Variants in ADAMTS4 observed in about 807,000 individuals in gnomAD.
ADAMTS4 encodes ADAM metallopeptidase with thrombospondin type 1 motif 4.
In ADAMTS4, 38 loss-of-function variants were observed where a neutral mutation model predicts 66.7. That is an observed-to-expected ratio of 0.57 (90% CI 0.44 to 0.75). ADAMTS4 has a LOEUF of 0.75. Ranked by LOEUF, ADAMTS4 falls within the 30% of genes least tolerant of loss-of-function variation. The pLI is 0.00. For missense variants in ADAMTS4, 1,014 were observed against 1,116.7 expected (o/e 0.91, Z 1.31); for synonymous variants, 418 against 461.5 (o/e 0.91, Z 1.21).
At chr1:161,197,696 G>A (rs1308833814) in intron 1 of ADAMTS4, among the ~76,000 whole-genome samples, 1 of 152,032 alleles carries the variant, frequency 6.6e-6, no homozygotes, top group Non-Finnish European at 1.5e-5. Flanking sequence ...GCTGGGGACT[G>A]TGTCAGTAGG....
At chr1:161,196,994 C>T in intron 1 of ADAMTS4, 114 bp from the exon 2 acceptor site, 1 of 979,434 alleles carries the variant, frequency 1.0e-6, no homozygotes, top group Non-Finnish European at 1.5e-6. Context: ...CAGCTGGGCC[C>T]CACACACCCC....
Position 161,191,550 on chromosome 1 carries a change from T to A in ADAMTS4, c.2102A>T (p.Asn701Ile). 6.2e-7 allele frequency: 1 copy of A among 1,611,478 alleles called. No individual in the cohort carries two copies. Among genetic ancestry groups the A allele is most frequent in the Non-Finnish European group, 8.5e-7 (1 of 1,178,508 alleles). ...GGCCCCCGCGGGGATAGTGACCACA[T>A]TGTTGTATCCGTACCTGTGTGGAAG... Reference protein sequence around the residue: ...SFRKFRYGYNNVVTIPAGATH... With the variant: ...SFRKFRYGYNIVVTIPAGATH... The change falls in exon 9 of 9, where the codon AAT (asparagine) becomes ATT (isoleucine). Residue 701 changes from asparagine (N) to isoleucine (I), a missense_variant. Transcript: ENST00000367996.
chr1:161,197,053 G>A, intron 1 of ADAMTS4, 173 bp from the exon 2 acceptor site: 3 of 611,740 alleles, frequency 4.9e-6, no homozygotes, highest in Non-Finnish European at 5.7e-6. Flanking sequence ...TTCCCCCAAC[G>A]CCAAATCTCA....
Position 161,187,100 on chromosome 1 carries a change from C to T in ADAMTS4, c.*4038G>A, listed in dbSNP as rs182695570. ...CCAGCCCAAGGTAGCCCTCCATAAC[C>T]CTCATAGTCCATTCAGTTCAGGGCT... is the stretch of plus-strand genomic sequence containing the variant. On this transcript the variant is annotated 3_prime_UTR_variant, in exon 9 of 9. Coordinates refer to ENST00000367996, the MANE Select transcript of ADAMTS4 (RefSeq NM_005099.6). 2 of 152,292 alleles carry T rather than the reference C, an allele frequency of 1.3e-5. No individual in the cohort carries two copies. Among genetic ancestry groups the T allele is most frequent in the Admixed American group, 1.3e-4 (2 of 15,292 alleles). The allele number at this position is 152,292 out of a possible 1,614,324, so 9.4% of individuals were successfully genotyped here.
Position 161,188,910 on chromosome 1 carries a change from T to TATA in ADAMTS4, c.*2227_*2228insTAT, listed in dbSNP as rs1558071757. On this transcript the variant is annotated 3_prime_UTR_variant, in exon 9 of 9. Transcript: ENST00000367996. The stretch of plus-strand genomic sequence containing the variant: ...TATATATATATATATATATATATAT[T>TATA]TTGTATTTTTAGTAGACACGGGGTT... 2.0e-4 allele frequency: 11 copies of TATA among 54,858 alleles called. No individual in the cohort carries two copies. The highest frequency in any genetic ancestry group is 1.4e-3 in the South Asian group (2 of 1,454). The allele number at this position is 54,858 out of a possible 1,614,324, so 3.4% of individuals were successfully genotyped here. A position where few individuals can be genotyped will look rare whatever the true frequency, so the allele number is the denominator to read the frequency against.
Position 161,198,189 on chromosome 1 carries a change from C to A in ADAMTS4, c.439G>T (p.Gly147Ter). Residue 147 changes from glycine (G) to a stop codon, truncating the protein, a stop_gained, in exon 1 of 9, where the codon GGA becomes TGA. Coordinates refer to ENST00000367996, the MANE Select transcript of ADAMTS4 (RefSeq NM_005099.6). LOFTEE classifies it high-confidence loss of function. This position sits in a 1 kb window ranked among gnomAD's most constrained non-coding sequence, Gnocchi z 4.7. ...TATTGTAACACGCCTAACAGGGCTCCCCCATCCCAGTGCAGAGATGCCACC... is the reference window on the plus strand; with the variant it reads ...TATTGTAACACGCCTAACAGGGCTCACCCATCCCAGTGCAGAGATGCCACC... Reference protein sequence around the residue: ...ESVASLHWDGGALLGVLQYRG... With the variant: ...ESVASLHWDG 1 of 1,614,044 alleles carries A rather than the reference C, an allele frequency of 6.2e-7. No homozygotes were observed. The highest frequency in any genetic ancestry group is 2.2e-5 in the East Asian group (1 of 44,874).
At chr1:161,195,668 G>A (rs1356982577) in intron 3 of ADAMTS4, 33 bp from the exon 4 acceptor site, 1 of 1,582,510 alleles carries the variant, frequency 6.3e-7, no homozygotes. Flanking sequence ...AGGATCTGAG[G>A]GTCCCTTCCC....
chr1:161,188,461 C>G lies in ADAMTS4; in HGVS notation c.*2677G>C, dbSNP rs1317339334. 1 of 147,914 alleles carries G rather than the reference C, an allele frequency of 6.8e-6. No homozygotes were observed. Among genetic ancestry groups the G allele is most frequent in the Non-Finnish European group, 1.5e-5 (1 of 67,292 alleles). The allele number at this position is 147,914 out of a possible 1,614,324, so 9.2% of individuals were successfully genotyped here. On this transcript the variant is annotated 3_prime_UTR_variant, in exon 9 of 9. Coordinates refer to ENST00000367996, the MANE Select transcript of ADAMTS4 (RefSeq NM_005099.6). The stretch of plus-strand genomic sequence containing the variant: ...ATCTTTCTATGTTGCCCAGGTTGGT[C>G]CCAACCTCCTGGCCTCAAGCAATCC...
At position 161,193,888 on chromosome 1, in the gene ADAMTS4, C is replaced by T. The variant is rs1284957803; in HGVS notation, c.1548+47G>A. The stretch of plus-strand genomic sequence containing the variant: ...ACTCTCTCCTGGGCTTAAGGCCAGT[C>T]CCCACACCCCCGGGCCCTTTACCCC... On this transcript the variant is annotated intron_variant, in intron 5 of 8. Transcript: ENST00000367996. The surrounding 1 kb of genome is among the most constrained non-coding windows in gnomAD (Gnocchi z 4.4). The T allele has an allele frequency of 6.4e-6, 10 of 1,562,746 alleles. No homozygotes were observed. The highest frequency in any genetic ancestry group is 8.7e-6 in the Non-Finnish European group (10 of 1,152,000).
At chr1:161,192,533 TTAGGGATGGAACGTTGAGGTTTA>T (rs1456313392) in intron 7 of ADAMTS4, among the ~76,000 whole-genome samples, 2 of 152,048 alleles carry the variant, frequency 1.3e-5, no homozygotes, top group Admixed American at 6.6e-5. Context: ...TTTGAGGTTT[TTAGGGATGGAACGTTGAGGTTTA>T]GAAAAGCTAA....
Position 161,189,923 on chromosome 1 carries a change from A to T in ADAMTS4, c.*1215T>A, listed in dbSNP as rs1270338446. ...AATAGTAGAATTCAATTTAAAAAAT[A>T]TGTACCGGGCGTGGTGGCTCACACC... On this transcript the variant is annotated 3_prime_UTR_variant, in exon 9 of 9. Transcript: ENST00000367996. 2 of 152,252 alleles carry T rather than the reference A, an allele frequency of 1.3e-5. No individual in the cohort carries two copies. The highest frequency in any genetic ancestry group is 3.8e-4 in the East Asian group (2 of 5,204). 9.4% of individuals were successfully genotyped at this position (152,252 alleles called of 1,614,324 possible).
rs1479906901 is a variant in ADAMTS4, at chr1:161,193,360, AG to A, written c.1763del (p.Ala588ValfsTer52). ...AGAGGTCGGTGCGGTGGTTGTAGGCAGCACACTGCTCCTCGCGGAAGGTCAG... is the reference window on the plus strand; with the variant it reads ...AGAGGTCGGTGCGGTGGTTGTAGGCACACACTGCTCCTCGCGGAAGGTCAG... The part of the protein sequence containing the change: ...SALTFREEQC[A>X]AYNHRTDLFK... On this transcript the variant is annotated frameshift_variant, in exon 7 of 9. Transcript: ENST00000367996. LOFTEE classifies it high-confidence loss of function. This position sits in a 1 kb window ranked among gnomAD's most constrained non-coding sequence, Gnocchi z 4.4. 6.2e-7 allele frequency: 1 copy of A among 1,613,754 alleles called. No homozygotes were observed. The highest frequency in any genetic ancestry group is 1.3e-5 in the African/African-American group (1 of 74,890).
rs1312533672 is a variant in ADAMTS4 at position 161,184,794 on chromosome 1, A to C, written c.*6344T>G. On this transcript the variant is annotated 3_prime_UTR_variant, in exon 9 of 9. Transcript: ENST00000367996. ...AGCACTTTGGGAGGCCGAGGCAGGCAGATCACTTGAGCCCGGGAGTTCAAG... is the reference window on the plus strand; with the variant it reads ...AGCACTTTGGGAGGCCGAGGCAGGCCGATCACTTGAGCCCGGGAGTTCAAG... The C allele has an allele frequency of 1.3e-5, 2 of 152,072 alleles. No individual in the cohort carries two copies. Among genetic ancestry groups the C allele is most frequent in the Non-Finnish European group, 2.9e-5 (2 of 68,020 alleles). 9.4% of individuals were successfully genotyped at this position (152,072 alleles called of 1,614,324 possible). A position where few individuals can be genotyped will look rare whatever the true frequency, so the allele number is the denominator to read the frequency against.
At position 161,198,418 on chromosome 1, in the gene ADAMTS4, G is replaced by A. The variant is rs1051263157; in HGVS notation, c.210C>T (p.Ser70=). The change falls in exon 1 of 9, where the codon AGC becomes AGT. Residue 70 remains serine, a synonymous_variant. Coordinates refer to ENST00000367996, the MANE Select transcript of ADAMTS4 (RefSeq NM_005099.6). The surrounding 1 kb of genome is among the most constrained non-coding windows in gnomAD (Gnocchi z 4.7). ...EIVFPEKLNG[S]VLPGSGAPAR... ...CAGGGGCGCCCGAGCCAGGCAGGAC[G>A]CTGCCGTTGAGCTTCTCTGGAAACA... 3.1e-6 allele frequency: 5 copies of A among 1,600,762 alleles called. No individual in the cohort carries two copies. The highest frequency in any genetic ancestry group is 1.7e-5 in the Admixed American group (1 of 57,808).
At position 161,193,366 on chromosome 1, in the gene ADAMTS4, C is replaced by A; in HGVS notation, c.1758G>T (p.Gln586His). The part of the protein sequence containing the change: ...TGSALTFREE[Q>H]CAAYNHRTDL... ...CGGTGCGGTGGTTGTAGGCAGCACA[C>A]TGCTCCTCGCGGAAGGTCAGGGCTG... The change falls in exon 7 of 9, where the codon CAG (glutamine) becomes CAT (histidine). Residue 586 changes from glutamine to histidine, a missense_variant. Transcript: ENST00000367996. The surrounding 1 kb of genome is among the most constrained non-coding windows in gnomAD (Gnocchi z 4.4). 6.2e-7 allele frequency: 1 copy of A among 1,613,798 alleles called. No individual in the cohort carries two copies. The highest frequency in any genetic ancestry group is 8.5e-7 in the Non-Finnish European group (1 of 1,179,880).
In ADAMTS4 at chr1:161,194,920, T is replaced by A. The variant is rs1664774231; in HGVS notation, c.1261+545A>T. Among the ~76,000 whole-genome samples the A allele has an allele frequency of 6.6e-6, 1 of 152,176 alleles. No homozygotes were observed. The highest frequency in any genetic ancestry group is 1.5e-5 in the Non-Finnish European group (1 of 68,034). On this transcript the variant is annotated intron_variant, in intron 4 of 8. Transcript: ENST00000367996. The surrounding 1 kb of genome is among the most constrained non-coding windows in gnomAD (Gnocchi z 4.1). ...TAAGAGGCCAGGCATGGTGGCTTAATGTCTGTAATCCCAGCACTTTGGAAG... is the reference window on the plus strand; with the variant it reads ...TAAGAGGCCAGGCATGGTGGCTTAAAGTCTGTAATCCCAGCACTTTGGAAG...
In ADAMTS4 at chr1:161,193,237, G is replaced by T. The variant is rs1424693923; in HGVS notation, c.1887C>A (p.Gly629=). The change falls in exon 7 of 9, where the codon GGC becomes GGA. Residue 629 remains glycine (G), a synonymous_variant. Transcript: ENST00000367996. This position sits in a 1 kb window ranked among gnomAD's most constrained non-coding sequence, Gnocchi z 4.4. ...CCCGTGGCTCCAGCACATAGTAGTAGCCCAGTGCCTGGGCCTGGCAGGTGA... is the reference window on the plus strand; with the variant it reads ...CCCGTGGCTCCAGCACATAGTAGTATCCCAGTGCCTGGGCCTGGCAGGTGA... ...CKLTCQAQAL[G]YYYVLEPRVV... is the part of the protein sequence containing the mutation. 1.9e-6 allele frequency: 3 copies of T among 1,613,864 alleles called. No individual in the cohort carries two copies. The highest frequency in any genetic ancestry group is 2.5e-6 in the Non-Finnish European group (3 of 1,179,936).
At position 161,191,145 on chromosome 1, in the gene ADAMTS4, C is replaced by T. The variant is rs11807350; in HGVS notation, c.2507G>A (p.Arg836Lys). Reference protein sequence around the residue: ...EILRRRPWAGRK With the variant: ...EILRRRPWAGKK ...GCAGCCGGGATAGTGAGGTTATTTCCTGCCCGCCCAGGGGCGCCGCCGAAG... is the reference window on the plus strand; with the variant it reads ...GCAGCCGGGATAGTGAGGTTATTTCTTGCCCGCCCAGGGGCGCCGCCGAAG... Residue 836 changes from arginine (R) to lysine (K), a missense_variant, in exon 9 of 9, where the codon AGG becomes AAG. Physicochemically the swap from Arg to Lys is conservative, Grantham distance 26 (BLOSUM62 2). Transcript: ENST00000367996. 2.7e-4 allele frequency: 411 copies of T among 1,548,614 alleles called. No homozygotes were observed. The highest frequency in any genetic ancestry group is 1.7e-3 in the Admixed American group (93 of 53,654).
Position 161,193,682 on chromosome 1 carries a change from G to C in ADAMTS4, c.1693C>G (p.Arg565Gly). ...TCCTCAGTGTTGCAGGAGCGGAAGCGGGTACGGCGGCCCTCACAGTACTTG... is the reference window on the plus strand; with the variant it reads ...TCCTCAGTGTTGCAGGAGCGGAAGCCGGTACGGCGGCCCTCACAGTACTTG... ...GGKYCEGRRTRFRSCNTEDCP... is the reference protein window; with the variant it reads ...GGKYCEGRRTGFRSCNTEDCP... The change falls in exon 6 of 9, where the codon CGC becomes GGC. Residue 565 changes from arginine (R) to glycine (G), a missense_variant. By Grantham distance (125) the Arg-to-Gly change is moderately radical (BLOSUM62 -2). Transcript: ENST00000367996. The surrounding 1 kb of genome is among the most constrained non-coding windows in gnomAD (Gnocchi z 4.4). The C allele has an allele frequency of 3.7e-6, 6 of 1,613,916 alleles. No individual in the cohort carries two copies. Among genetic ancestry groups the C allele is most frequent in the Non-Finnish European group, 5.1e-6 (6 of 1,179,910 alleles).
Sources: allele counts gnomAD v4.1 joint callset (sites outside exome capture counted in the v4.1 genomes callset), GRCh38; gene constraint gnomAD v4.1.1; non-coding constraint Gnocchi (gnomAD v3.1); transcripts MANE v1.5; gene names NCBI Gene and HGNC (gene_info 2026-07-23, HGNC 2026-07-21).